Variants in KCNIP4 observed in about 807,000 individuals in gnomAD.
KCNIP4 encodes potassium voltage-gated channel interacting protein 4, also known as Kv channel-interacting protein 4.
Under a neutral mutation model 34.0 loss-of-function variants are expected in KCNIP4, and 12 were observed. The ratio of observed to expected loss-of-function variants is 0.35; its 90% confidence interval spans 0.23 to 0.57. The LOEUF is 0.57. Ranked by LOEUF, KCNIP4 falls within the 20% of genes least tolerant of loss-of-function variation. KCNIP4 has a pLI of 0.83. For missense variants in KCNIP4, 238 were observed against 311.7 expected (o/e 0.76, Z 1.78); for synonymous variants, 124 against 102.2 (o/e 1.21, Z -1.29).
At chr4:21,254,513 C>A (rs772348121) in intron 1 of KCNIP4, among the ~76,000 whole-genome samples, 9 of 152,142 alleles carry the variant, frequency 5.9e-5, no homozygotes, top group African/African-American at 2.2e-4. Flanking sequence ...CCAAGTTATT[C>A]TTATGCATTT....
chr4:21,515,710 T>C (rs1317984007), intron 1 of KCNIP4, among the ~76,000 whole-genome samples: 1 of 152,280 alleles, frequency 6.6e-6, no homozygotes, highest in South Asian at 2.1e-4. Context: ...ATTAATGTCA[T>C]CATCACAGGA....
chr4:21,352,814 C>A (rs1246917402), intron 1 of KCNIP4, among the ~76,000 whole-genome samples: 1 of 152,196 alleles, frequency 6.6e-6, no homozygotes, highest in Admixed American at 6.5e-5. Flanking sequence ...GAACAGACTG[C>A]CTCCTTAAGT....
chr4:20,781,103 T>G (rs1756829367), intron 3 of KCNIP4, among the ~76,000 whole-genome samples: 1 of 152,182 alleles, frequency 6.6e-6, no homozygotes, highest in Non-Finnish European at 1.5e-5. Context: ...ATATATTGGT[T>G]TATTTTACAA....
chr4:21,911,283 C>T (rs1048419385), intron 1 of KCNIP4, among the ~76,000 whole-genome samples: 8 of 152,076 alleles, frequency 5.3e-5, no homozygotes, highest in African/African-American at 1.2e-4. Context: ...GTCAATTAGA[C>T]AAGATACAAG....
Position 21,540,495 on chromosome 4 carries a change from C to T in KCNIP4, c.61+408076G>A, listed in dbSNP as rs1034427869. On this transcript the variant is annotated intron_variant, in intron 1 of 8. Coordinates refer to ENST00000382152, the MANE Select transcript of KCNIP4 (RefSeq NM_025221.6). ...AGAGGCTCATGAGAATTTAACCTTA[C>T]CTTGCATTTCCCCTAAAAACAATGG... Among the ~76,000 whole-genome samples, 5 of 152,096 alleles carry T rather than the reference C, an allele frequency of 3.3e-5. 1 individual carries two copies. Among genetic ancestry groups the T allele is most frequent in the African/African-American group, 1.2e-4 (5 of 41,398 alleles).
chr4:21,916,854 C>G (rs111871545), intron 1 of KCNIP4, among the ~76,000 whole-genome samples: 1 of 152,174 alleles, frequency 6.6e-6, no homozygotes, highest in Non-Finnish European at 1.5e-5. Context: ...AAAGCTTCTC[C>G]CTCTGTTTCA....
At chr4:21,318,869 G>A (rs1714075706) in intron 1 of KCNIP4, among the ~76,000 whole-genome samples, 1 of 151,922 alleles carries the variant, frequency 6.6e-6, no homozygotes, top group Admixed American at 6.6e-5. Context: ...CTTTCAATGA[G>A]AAATTATTTG....
Position 21,138,695 on chromosome 4 carries a change from A to G in KCNIP4, c.62-255986T>C, listed in dbSNP as rs556760492. On this transcript the variant is annotated intron_variant, in intron 1 of 8. Coordinates refer to ENST00000382152, the MANE Select transcript of KCNIP4 (RefSeq NM_025221.6). ...TTACCTTAAGGATCTTGAAATGGGGAGATTATACTAGATAATCCTGGTAGG... is the reference window on the plus strand; with the variant it reads ...TTACCTTAAGGATCTTGAAATGGGGGGATTATACTAGATAATCCTGGTAGG... 7.0e-4 allele frequency among the ~76,000 whole-genome samples: 106 copies of G among 152,006 alleles called. 1 individual carries two copies. Among genetic ancestry groups the G allele is most frequent in the Middle Eastern group, 3.2e-3 (1 of 316 alleles).
intron 1 of KCNIP4, among the ~76,000 whole-genome samples, chr4:21,798,138 G>A (rs957176934): frequency 2.7e-5 from 4 of 150,940 alleles, no homozygotes; most frequent in South Asian, 2.1e-4. Context: ...AAAAAAATAC[G>A]TACACACATA....
chr4:20,882,950 G>A (rs1003433806), intron 1 of KCNIP4, among the ~76,000 whole-genome samples: 4 of 150,044 alleles, frequency 2.7e-5, no homozygotes, highest in African/African-American at 4.9e-5. Context: ...AAGCAGAATC[G>A]TAAAATATAT....
intron 1 of KCNIP4, among the ~76,000 whole-genome samples, chr4:21,800,462 T>C (rs990597924): frequency 1.3e-5 from 2 of 149,628 alleles, no homozygotes; most frequent in African/African-American, 4.8e-5. Flanking sequence ...TCAATTCATA[T>C]AGTAAAGTTA....
intron 1 of KCNIP4, among the ~76,000 whole-genome samples, chr4:21,284,838 G>C (rs1228714379): frequency 2.0e-5 from 3 of 152,036 alleles, no homozygotes; most frequent in Admixed American, 2.0e-4. Context: ...GAGCACTTGG[G>C]GGTGCCCACT....
At chr4:21,259,073 T>C (rs1761280677) in intron 1 of KCNIP4, among the ~76,000 whole-genome samples, 1 of 152,210 alleles carries the variant, frequency 6.6e-6, no homozygotes, top group African/African-American at 2.4e-5. Context: ...TCAGAGAGTT[T>C]AAATACTTTT....
intron 1 of KCNIP4, among the ~76,000 whole-genome samples, chr4:21,477,595 C>A (rs959778041): frequency 7.2e-5 from 11 of 152,114 alleles, no homozygotes; most frequent in African/African-American, 1.2e-4. Context: ...ATATATATAA[C>A]TAACTTTCCT....
chr4:20,913,003 T>C (rs1475892404), intron 1 of KCNIP4, among the ~76,000 whole-genome samples: 1 of 152,136 alleles, frequency 6.6e-6, no homozygotes, highest in Non-Finnish European at 1.5e-5. Flanking sequence ...AGAGTTACCA[T>C]ATGACCCTGA....
intron 1 of KCNIP4, among the ~76,000 whole-genome samples, chr4:21,052,753 C>T (rs1743037066): frequency 6.6e-6 from 1 of 152,112 alleles, no homozygotes; most frequent in Non-Finnish European, 1.5e-5. Context: ...TTAATAGGAT[C>T]ATCTGTTGAC....
intron 1 of KCNIP4, among the ~76,000 whole-genome samples, chr4:20,968,865 A>G (rs1734646339): frequency 6.6e-6 from 1 of 152,182 alleles, no homozygotes; most frequent in Non-Finnish European, 1.5e-5. Flanking sequence ...AGCATGGCAC[A>G]TGTATACCTA....
At position 21,232,808 on chromosome 4, in the gene KCNIP4, T is replaced by C. The variant is rs191776742; in HGVS notation, c.62-350099A>G. On this transcript the variant is annotated intron_variant, in intron 1 of 8. Coordinates refer to ENST00000382152, the MANE Select transcript of KCNIP4 (RefSeq NM_025221.6). ...ATTAGCTAAAATGCAATATGATGTA[T>C]ATGTATATGAGGTGCAATATGATAT... Among the ~76,000 whole-genome samples the C allele has an allele frequency of 1.3e-3, 201 of 152,274 alleles. 1 individual carries two copies. The highest frequency in any genetic ancestry group is 6.8e-3 in the Middle Eastern group (2 of 294).
intron 1 of KCNIP4, among the ~76,000 whole-genome samples, chr4:20,909,293 A>G (rs1382823457): frequency 2.0e-5 from 3 of 152,194 alleles, no homozygotes; most frequent in African/African-American, 7.2e-5. Flanking sequence ...GTTATTTCAT[A>G]GAGCATATTA....
Sources: allele counts gnomAD v4.1 joint callset (sites outside exome capture counted in the v4.1 genomes callset), GRCh38; gene constraint gnomAD v4.1.1; transcripts MANE v1.5; gene names NCBI Gene and HGNC (gene_info 2026-07-23, HGNC 2026-07-21).